Variants in SIGLEC1 observed in about 807,000 individuals in gnomAD.
SIGLEC1 encodes sialic acid binding Ig like lectin 1.
In SIGLEC1, 132 loss-of-function variants were observed where a neutral mutation model predicts 148.0. The observed-to-expected ratio is 0.89, with a 90% CI of 0.77 to 1.03. SIGLEC1 has a LOEUF of 1.03. SIGLEC1 is among the 50% of genes least tolerant of loss of function. The pLI, the probability that SIGLEC1 is intolerant of heterozygous loss-of-function variation, is 0.00. For synonymous variants in SIGLEC1, 945 were observed against 969.0 expected, an observed-to-expected ratio of 0.98 and a Z score of 0.46; for missense variants, 2,253 against 2,271.4, an observed-to-expected ratio of 0.99 and a Z score of 0.16.
intron 13 of SIGLEC1, 21 bp from the exon 14 acceptor site, chr20:3,693,719 G>A (rs1359271391): frequency 6.4e-7 from 1 of 1,554,030 alleles, no homozygotes; most frequent in Non-Finnish European, 8.7e-7. Context: ...GGAGGGCACA[G>A]GACACCAGTG....
rs1162965806 is a variant in SIGLEC1 at position 3,692,575 on chromosome 20, C to T, written c.3976G>A (p.Ala1326Thr). 6.2e-7 allele frequency: 1 copy of T among 1,610,574 alleles called. No homozygotes were observed. The highest frequency in any genetic ancestry group is 1.7e-5 in the Admixed American group (1 of 59,904). ...CTGCGGGTGCCCTGGGCATCCTGGG[C>T]CTGGCAAGAGTAGGCGCCTGCATGA... Reference protein sequence around the residue: ...RAHAGAYSCQAQDAQGTRSSR... With the variant: ...RAHAGAYSCQTQDAQGTRSSR... The change falls in exon 16 of 22, where the codon GCC becomes ACC. Residue 1326 changes from alanine (A) to threonine (T), a missense_variant. By Grantham distance (58) the Ala-to-Thr change is moderately conservative. Transcript: ENST00000344754.
Position 3,689,609 on chromosome 20 carries a change from T to C in SIGLEC1, c.4988A>G (p.Tyr1663Cys), listed in dbSNP as rs775195097. Residue 1663 changes from tyrosine (Y) to cysteine (C), a missense_variant, in exon 20 of 22, where the codon TAC becomes TGC. By Grantham distance (194) the Tyr-to-Cys change is radical. Transcript: ENST00000344754. ...LLLLLGLGAC[Y>C]TWRRRRVCKQ... The stretch of plus-strand genomic sequence containing the variant: ...CCAGCTCCAGACCCACCTCCAGGTG[T>C]AGCAGGCCCCCAGGCCCAACAGCAG... The C allele has an allele frequency of 1.1e-5, 18 of 1,577,742 alleles. No individual in the cohort carries two copies. In the South Asian group the frequency reaches 2.1e-4, roughly 18 times the overall value.
chr20:3,697,492 G>T, intron 9 of SIGLEC1, 150 bp from the exon 10 acceptor site: 2 of 981,856 alleles, frequency 2.0e-6, no homozygotes, highest in Non-Finnish European at 3.0e-6. Context: ...GGCAGCCTAG[G>T]AGAAGTGGGC....
In SIGLEC1 at chr20:3,693,148, G is replaced by T; in HGVS notation, c.3509-17C>A. On this transcript the variant is annotated splice_polypyrimidine_tract_variant and intron_variant, in intron 14 of 21. Coordinates refer to ENST00000344754, the MANE Select transcript of SIGLEC1 (RefSeq NM_023068.4). ...GGGGCGCGTCTGCAGGGCATGAGAG[G>T]CTTACACGGAGTCACAGGCAGCAGC... 4 of 1,521,720 alleles carry T rather than the reference G, an allele frequency of 2.6e-6. No homozygotes were observed. Among genetic ancestry groups the T allele is most frequent in the Non-Finnish European group, 3.5e-6 (4 of 1,142,822 alleles). 94.3% of individuals were successfully genotyped at this position (1,521,720 alleles called of 1,614,324 possible).
chr20:3,689,797 TG>T, intron 19 of SIGLEC1, 95 bp from the exon 20 acceptor site: 1 of 1,281,986 alleles, frequency 7.8e-7, no homozygotes, highest in Non-Finnish European at 1.1e-6. Context: ...TTCTAACTTT[TG>T]CTTTATCGCT....
At position 3,699,272 on chromosome 20, in the gene SIGLEC1, T is replaced by A; in HGVS notation, c.1716A>T (p.Ser572=). The A allele has an allele frequency of 6.2e-7, 1 of 1,609,388 alleles. No homozygotes were observed. The highest frequency in any genetic ancestry group is 8.5e-7 in the Non-Finnish European group (1 of 1,178,626). Residue 572 remains serine, a synonymous_variant, in exon 8 of 22, where the codon TCA becomes TCT. Transcript: ENST00000344754. ...LPAASSTDAG[S]YHCRARDGHS... Reference sequence around the variant, plus strand: ...GGCCGTCCCGGGCCCGGCAGTGGTATGAGCCGGCGTCAGTGCTGGAGGCCG... The same window carrying A: ...GGCCGTCCCGGGCCCGGCAGTGGTAAGAGCCGGCGTCAGTGCTGGAGGCCG...
rs748936498 is a variant in SIGLEC1 at position 3,706,032 on chromosome 20, TGG to T, written c.416_417del (p.Pro139GlnfsTer53). ...ACCGGGGAGGCAATGGTGGGCACCC[TGG>T]GCTCCTCTGAGGACAGAGACAGCAG... is the stretch of plus-strand genomic sequence containing the variant. ...KGTLVTVTEE[P>X]RVPTIASPVE... On this transcript the variant is annotated frameshift_variant, in exon 4 of 22. Transcript: ENST00000344754. LOFTEE classifies it high-confidence loss of function. 5 of 1,612,508 alleles carry T rather than the reference TGG, an allele frequency of 3.1e-6. No homozygotes were observed. In the Admixed American group the frequency reaches 5.0e-5, roughly 16 times the overall value.
At chr20:3,695,652 C>T (rs933277100) in intron 11 of SIGLEC1, among the ~76,000 whole-genome samples, 2 of 152,080 alleles carry the variant, frequency 1.3e-5, no homozygotes, top group Non-Finnish European at 2.9e-5. Context: ...TTTCTTCCTG[C>T]GAAATAGGTA....
At chr20:3,702,275 G>C (rs953133889) in intron 6 of SIGLEC1, among the ~76,000 whole-genome samples, 1 of 152,180 alleles carries the variant, frequency 6.6e-6, no homozygotes, top group African/African-American at 2.4e-5. Flanking sequence ...TGTGAATATA[G>C]ATTATAGCTT....
chr20:3,701,292 C>T, intron 7 of SIGLEC1, 50 bp downstream of exon 7: 1 of 1,500,764 alleles, frequency 6.7e-7, no homozygotes, highest in Non-Finnish European at 9.0e-7. Context: ...CTGGAGCAGG[C>T]TCCTCCTCAG....
intron 7 of SIGLEC1, among the ~76,000 whole-genome samples, chr20:3,700,135 T>G (rs2087838780): frequency 1.1e-5 from 1 of 93,776 alleles, no homozygotes; most frequent in Admixed American, 1.2e-4. Context: ...TTTTTTTTTT[T>G]GAGACGGAGT....
chr20:3,706,588 C>T lies in SIGLEC1; in HGVS notation c.168G>A (p.Thr56=), dbSNP rs527292777. 13 of 1,611,544 alleles carry T rather than the reference C, an allele frequency of 8.1e-6. No homozygotes were observed. The highest frequency in any genetic ancestry group is 1.7e-4 in the Middle Eastern group (1 of 6,058). Residue 56 remains threonine (T), a synonymous_variant, in exon 3 of 22, where the codon ACG becomes ACA. Coordinates refer to ENST00000344754, the MANE Select transcript of SIGLEC1 (RefSeq NM_023068.4). The part of the protein sequence containing the change: ...PADVEVPDGI[T]AIWYYDYSGQ... The stretch of plus-strand genomic sequence containing the variant: ...CCGAGTAGTCGTAGTACCAGATGGC[C>T]GTGATGCCGTCGGGCACCTCCACGT...
intron 8 of SIGLEC1, 67 bp downstream of exon 8, chr20:3,699,135 G>T (rs1600285842): frequency 1.0e-5 from 16 of 1,563,358 alleles, no homozygotes. Flanking sequence ...CAGGGCTGGG[G>T]GGCCTAGAGG....
chr20:3,707,055 C>T (rs760437562), intron 2 of SIGLEC1, 25 bp downstream of exon 2: 50 of 1,611,576 alleles, frequency 3.1e-5, no homozygotes, highest in Non-Finnish European at 3.9e-5. Flanking sequence ...CCCTGGAAGA[C>T]AGGCACTAGG....
At chr20:3,699,645 T>C (rs1299404351) in intron 7 of SIGLEC1, among the ~76,000 whole-genome samples, 186 bp from the exon 8 acceptor site, 3 of 152,156 alleles carry the variant, frequency 2.0e-5, no homozygotes, top group Admixed American at 1.3e-4. Context: ...GGCTGCAGCA[T>C]GGTTGAAGAT....
chr20:3,694,250 G>A lies in SIGLEC1; in HGVS notation c.3227C>T (p.Ala1076Val). 6.2e-7 allele frequency: 1 copy of A among 1,611,700 alleles called. No homozygotes were observed. The highest frequency in any genetic ancestry group is 2.2e-5 in the East Asian group (1 of 44,796). Residue 1076 changes from alanine (A) to valine (V), a missense_variant, in exon 13 of 22, where the codon GCC (alanine) becomes GTC (valine). Coordinates refer to ENST00000344754, the MANE Select transcript of SIGLEC1 (RefSeq NM_023068.4). ...ICEASNTLGQASASADFDAQA... is the reference protein window; with the variant it reads ...ICEASNTLGQVSASADFDAQA... The stretch of plus-strand genomic sequence containing the variant: ...AGCGTCGAAGTCAGCTGAGGCCGAG[G>A]CCTGGCCCAGGGTGTTGGAGGCCTC...
Position 3,689,948 on chromosome 20 carries a change from C to A in SIGLEC1, c.4894+14G>T, listed in dbSNP as rs201087617. On this transcript the variant is annotated intron_variant, in intron 19 of 21. Transcript: ENST00000344754. ...GTGCAGAGTGGCCTGGGAGATGGAG[C>A]CCCCTCCCCTCACCTCTGACCCCAA... 2.5e-6 allele frequency: 4 copies of A among 1,602,702 alleles called. No individual in the cohort carries two copies. Among genetic ancestry groups the A allele is most frequent in the South Asian group, 1.1e-5 (1 of 89,624 alleles).
intron 7 of SIGLEC1, 94 bp downstream of exon 7, chr20:3,701,248 C>T (rs561601209): frequency 7.3e-5 from 86 of 1,182,330 alleles, no homozygotes; most frequent in Admixed American, 2.1e-4. Context: ...CTCAGTCCTG[C>T]GGTTGAGTCC....
intron 11 of SIGLEC1, among the ~76,000 whole-genome samples, chr20:3,695,898 A>G (rs1362860669): frequency 6.6e-6 from 1 of 151,748 alleles, no homozygotes; most frequent in African/African-American, 2.4e-5. Context: ...TGCAACCTCC[A>G]TCTCCCAGGT....
Sources: allele counts gnomAD v4.1 joint callset (sites outside exome capture counted in the v4.1 genomes callset), GRCh38; gene constraint gnomAD v4.1.1; transcripts MANE v1.5; gene names NCBI Gene and HGNC (gene_info 2026-07-23, HGNC 2026-07-21).